The following ZNF722 variants were observed in gnomAD, a reference collection of about 807,000 sequenced individuals.
ZNF722 encodes zinc finger protein 479 pseudogene.
the ZNF722 span, among the ~76,000 whole-genome samples, chr7:64,011,070 C>CT: frequency 0.7 from 105,202 of 149,726 alleles, 37,453 homozygotes; most frequent in Non-Finnish European, 0.77. Context: ...GCAACCCCTG[C>CT]TTTTTTTTTG....
chr7:64,017,049 A>G, the ZNF722 span, among the ~76,000 whole-genome samples: 18 of 152,216 alleles, frequency 1.2e-4, no homozygotes, highest in Non-Finnish European at 1.8e-4. Flanking sequence ...AGCCATTACT[A>G]TCAGCTCACA....
At chr7:64,016,010 CT>C in the ZNF722 span, 1 of 854,908 alleles carries the variant, frequency 1.2e-6, no homozygotes, top group Non-Finnish European at 1.8e-6. Context: ...ATGGACAAAC[CT>C]TTAACAAGTT....
At chr7:64,005,467 A>G in the ZNF722 span, 1 of 518,724 alleles carries the variant, frequency 1.9e-6, no homozygotes, top group East Asian at 3.2e-5. Context: ...AAATTATCTT[A>G]TCGAATAATT....
At chr7:64,003,574 G>A in the ZNF722 span, among the ~76,000 whole-genome samples, 1 of 152,088 alleles carries the variant, frequency 6.6e-6, no homozygotes, top group Non-Finnish European at 1.5e-5. Flanking sequence ...TTTGGAACTT[G>A]CAAATTTTTA....
the ZNF722 span, among the ~76,000 whole-genome samples, chr7:64,000,138 G>GTGTT: frequency 7.1e-6 from 1 of 140,594 alleles, no homozygotes; most frequent in Non-Finnish European, 1.5e-5. Flanking sequence ...TTTTTTGTGT[G>GTGTT]TGTGTGTGTG....
the ZNF722 span, among the ~76,000 whole-genome samples, chr7:64,000,609 C>T: frequency 6.6e-6 from 1 of 151,302 alleles, no homozygotes; most frequent in Non-Finnish European, 1.5e-5. Context: ...CACCACCACA[C>T]CTAGCTGACA....
chr7:63,998,866 G>C, the ZNF722 span: 1 of 1,383,942 alleles, frequency 7.2e-7, no homozygotes, highest in East Asian at 2.4e-5. Context: ...GCTTCTCTGC[G>C]TCCCGAGCTC....
the ZNF722 span, among the ~76,000 whole-genome samples, chr7:64,012,502 T>A: frequency 6.6e-6 from 1 of 152,140 alleles, no homozygotes; most frequent in Non-Finnish European, 1.5e-5. Flanking sequence ...TTCCTTTCTG[T>A]TTGTTAGTTT....
the ZNF722 span, among the ~76,000 whole-genome samples, chr7:63,999,846 C>T: frequency 1.5e-4 from 23 of 151,560 alleles, no homozygotes; most frequent in South Asian, 2.1e-3. Context: ...TACAGGAGCC[C>T]GCCACGACCA....
At chr7:64,012,758 C>T in the ZNF722 span, among the ~76,000 whole-genome samples, 2 of 151,926 alleles carry the variant, frequency 1.3e-5, no homozygotes, top group Admixed American at 6.6e-5. Context: ...TGTAGATGCC[C>T]TCCAAATCCC....
At chr7:64,001,422 T>C in the ZNF722 span, among the ~76,000 whole-genome samples, 49 of 152,334 alleles carry the variant, frequency 3.2e-4, no homozygotes, top group Non-Finnish European at 5.0e-4. Context: ...AAGGACATGA[T>C]GTTGTTCTTC....
At chr7:64,002,541 T>C in the ZNF722 span, among the ~76,000 whole-genome samples, 1,899 of 152,338 alleles carry the variant, frequency 0.012, 20 homozygotes, top group Non-Finnish European at 0.021. Flanking sequence ...ATTATTATTC[T>C]ATACGTTTTC....
the ZNF722 span, among the ~76,000 whole-genome samples, chr7:64,002,990 C>A: frequency 6.6e-6 from 1 of 152,150 alleles, no homozygotes; most frequent in African/African-American, 2.4e-5. Context: ...TTACAGGGGA[C>A]TTGTTGAAAA....
At chr7:64,003,026 C>G in the ZNF722 span, among the ~76,000 whole-genome samples, 2 of 152,136 alleles carry the variant, frequency 1.3e-5, no homozygotes, top group African/African-American at 2.4e-5. Context: ...CTTTTTGGAT[C>G]CTGCAGAATC....
the ZNF722 span, among the ~76,000 whole-genome samples, chr7:64,004,947 G>C: frequency 1.3e-5 from 2 of 152,134 alleles, no homozygotes; most frequent in African/African-American, 4.8e-5. Flanking sequence ...CACATATTAA[G>C]ACTTGAGAGG....
At chr7:64,012,679 G>T in the ZNF722 span, among the ~76,000 whole-genome samples, 2 of 152,140 alleles carry the variant, frequency 1.3e-5, no homozygotes, top group Non-Finnish European at 2.9e-5. Flanking sequence ...TAAGAATATT[G>T]TGTATCCACT....
At chr7:64,015,881 G>T in the ZNF722 span, 1 of 1,567,538 alleles carries the variant, frequency 6.4e-7, no homozygotes, top group Non-Finnish European at 8.8e-7. Flanking sequence ...CTAAACATAA[G>T]ATAATTCATA....
At chr7:64,015,711 AAG>A in the ZNF722 span, 6 of 1,613,846 alleles carry the variant, frequency 3.7e-6, no homozygotes, top group South Asian at 4.4e-5. Flanking sequence ...CAATGACCAC[AAG>A]AGAATTCATA....
the ZNF722 span, among the ~76,000 whole-genome samples, chr7:64,008,065 C>T: frequency 2.0e-5 from 3 of 152,122 alleles, no homozygotes; most frequent in Admixed American, 1.3e-4. Context: ...CTGTTCATAT[C>T]CTTTGCCCAG....
Sources: allele counts gnomAD v4.1 joint callset (sites outside exome capture counted in the v4.1 genomes callset), GRCh38; gene constraint gnomAD v4.1.1; transcripts MANE v1.5; gene names NCBI Gene and HGNC (gene_info 2026-07-23, HGNC 2026-07-21).